KCNS3: variants seen among roughly 807,000 people sequenced by gnomAD.
KCNS3 encodes the protein potassium voltage-gated channel modifier subfamily S member 3, also known as delayed-rectifier potassium channel regulatory subunit KCNS3.
Under a neutral mutation model 31.0 loss-of-function variants are expected in KCNS3, and 13 were observed. The observed-to-expected ratio is 0.42, with a 90% CI of 0.27 to 0.67. The LOEUF is 0.67. Among genes scored for constraint, KCNS3 ranks in the 30% least tolerant of loss-of-function variants. The probability of loss-of-function intolerance (pLI) is 0.25; values close to 1 mark genes in which losing one functional copy is unlikely to be tolerated. For synonymous variants in KCNS3, 238 were observed against 241.5 expected, an observed-to-expected ratio of 0.99 and a Z score of 0.13; for missense variants, 545 against 622.4, an observed-to-expected ratio of 0.88 and a Z score of 1.32.
intron 1 of KCNS3, among the ~76,000 whole-genome samples, chr2:17,884,304 T>TATATATATATATATATATATATA (rs1174398041): frequency 7.7e-6 from 1 of 129,478 alleles, no homozygotes; most frequent in African/African-American, 2.8e-5. Flanking sequence ...TATATATATA[T>TATATATATATATATATATATATA]TTAAAAAGAA....
At chr2:17,907,557 A>G (rs370060666) in intron 1 of KCNS3, among the ~76,000 whole-genome samples, 4,082 of 152,286 alleles carry the variant, frequency 0.027, 138 homozygotes, top group African/African-American at 0.079. Flanking sequence ...CCTAGCATCG[A>G]TGATCTTTAC....
At chr2:17,925,831 T>C (rs1330570980) in intron 2 of KCNS3, among the ~76,000 whole-genome samples, 1 of 152,170 alleles carries the variant, frequency 6.6e-6, no homozygotes, top group East Asian at 1.9e-4. Flanking sequence ...TCTCATGTCC[T>C]CATGTTTTAA....
chr2:17,898,913 G>C (rs985259282), intron 1 of KCNS3, among the ~76,000 whole-genome samples: 1 of 152,090 alleles, frequency 6.6e-6, no homozygotes, highest in Non-Finnish European at 1.5e-5. Context: ...GGCACTCAGG[G>C]CTCTGGCAAT....
At chr2:17,918,094 C>T (rs1278037806) in intron 2 of KCNS3, among the ~76,000 whole-genome samples, 1 of 152,210 alleles carries the variant, frequency 6.6e-6, no homozygotes, top group Non-Finnish European at 1.5e-5. Context: ...TTAGAAAATG[C>T]TGTGGTTCAC....
chr2:17,910,030 C>T (rs1662434178), intron 1 of KCNS3, among the ~76,000 whole-genome samples: 2 of 152,280 alleles, frequency 1.3e-5, no homozygotes, highest in African/African-American at 4.8e-5. Context: ...GTCTGAGAAA[C>T]CCTATGGACC....
At chr2:17,913,853 G>A (rs182195491) in intron 1 of KCNS3, among the ~76,000 whole-genome samples, 2 of 152,142 alleles carry the variant, frequency 1.3e-5, no homozygotes, top group African/African-American at 4.8e-5. Flanking sequence ...TGTACAAGTG[G>A]CATCTAGTAG....
chr2:17,918,023 GAA>G (rs1324372527), intron 2 of KCNS3, among the ~76,000 whole-genome samples, 152 bp downstream of exon 2: 5 of 152,256 alleles, frequency 3.3e-5, no homozygotes, highest in Non-Finnish European at 7.3e-5. Context: ...ACTATGGGAA[GAA>G]AAGTGTTGGT....
chr2:17,903,543 G>T (rs2125241259), intron 1 of KCNS3, among the ~76,000 whole-genome samples: 1 of 152,122 alleles, frequency 6.6e-6, no homozygotes. Context: ...TGCCATGTTG[G>T]TGTGCTGCAC....
intron 1 of KCNS3, among the ~76,000 whole-genome samples, chr2:17,910,639 T>A (rs1662448791): frequency 6.6e-6 from 1 of 152,118 alleles, no homozygotes. Context: ...CTACTTTTTT[T>A]TTTTTTAAAT....
At chr2:17,908,712 T>A (rs755188985) in intron 1 of KCNS3, among the ~76,000 whole-genome samples, 2 of 152,218 alleles carry the variant, frequency 1.3e-5, no homozygotes, top group Non-Finnish European at 2.9e-5. Context: ...TGTTGGAGTT[T>A]GCTAGAGGTC....
At chr2:17,929,422 G>A (rs996027358) in intron 2 of KCNS3, among the ~76,000 whole-genome samples, 2 of 152,108 alleles carry the variant, frequency 1.3e-5, no homozygotes, top group South Asian at 2.1e-4. Flanking sequence ...GATGCTACAC[G>A]CTTTGAAAGA....
At chr2:17,897,967 A>C (rs1662070239) in intron 1 of KCNS3, among the ~76,000 whole-genome samples, 1 of 152,040 alleles carries the variant, frequency 6.6e-6, no homozygotes, top group Non-Finnish European at 1.5e-5. Flanking sequence ...ATCTTGAGTT[A>C]ATTTTTGTAC....
chr2:17,906,386 T>G (rs1255743344), intron 1 of KCNS3, among the ~76,000 whole-genome samples: 1 of 152,194 alleles, frequency 6.6e-6, no homozygotes, highest in Non-Finnish European at 1.5e-5. Flanking sequence ...GGTCTATCTA[T>G]TTTGTTGATC....
At chr2:17,928,284 T>A (rs1662880018) in intron 2 of KCNS3, among the ~76,000 whole-genome samples, 1 of 152,214 alleles carries the variant, frequency 6.6e-6, no homozygotes, top group African/African-American at 2.4e-5. Context: ...GTTTAAGTTT[T>A]GAGACAGAGT....
At chr2:17,929,549 A>C (rs1179606305) in intron 2 of KCNS3, among the ~76,000 whole-genome samples, 1 of 152,222 alleles carries the variant, frequency 6.6e-6, no homozygotes, top group Non-Finnish European at 1.5e-5. Flanking sequence ...AACACGCAGG[A>C]TCACAATTCA....
chr2:17,931,637 T>C lies in KCNS3; in HGVS notation c.629T>C (p.Phe210Ser). 6.2e-7 allele frequency: 1 copy of C among 1,614,134 alleles called. No homozygotes were observed. The highest frequency in any genetic ancestry group is 8.5e-7 in the Non-Finnish European group (1 of 1,180,030). ...ATGTGCGTTCACAGCATGTCGGAGT[T>C]CCAGAATGAGGATGGAGAAGTGGAT... ...VAMCVHSMSE[F>S]QNEDGEVDDP... Residue 210 changes from phenylalanine to serine, a missense_variant, in exon 3 of 3, where the codon TTC becomes TCC. Physicochemically the swap from Phe to Ser is radical, Grantham distance 155. Transcript: ENST00000304101. This position sits in a 1 kb window ranked among gnomAD's most constrained non-coding sequence, Gnocchi z 5.4.
intron 2 of KCNS3, among the ~76,000 whole-genome samples, chr2:17,925,004 T>C (rs1261071905): frequency 6.6e-6 from 1 of 152,230 alleles, no homozygotes; most frequent in Non-Finnish European, 1.5e-5. Context: ...AAATTCTGTA[T>C]CTTTACTTGT....
chr2:17,903,626 G>C (rs2125241326), intron 1 of KCNS3, among the ~76,000 whole-genome samples: 1 of 140,830 alleles, frequency 7.1e-6, no homozygotes, highest in Non-Finnish European at 1.5e-5. Flanking sequence ...CCCCACAACA[G>C]GCCCCAGTGT....
In KCNS3 at chr2:17,932,189, G is replaced by T; in HGVS notation, c.1181G>T (p.Gly394Val). ...KLIASTCIIC[G>V]ILVVALPITI... ...ATCGCCAGCACATGCATCATCTGTG[G>T]CATCTTGGTGGTGGCCCTTCCCATC... is the stretch of plus-strand genomic sequence containing the variant. Residue 394 changes from glycine (G) to valine (V), a missense_variant, in exon 3 of 3, where the codon GGC (glycine) becomes GTC (valine). Transcript: ENST00000304101. 2 of 1,613,940 alleles carry T rather than the reference G, an allele frequency of 1.2e-6. No homozygotes were observed. Among genetic ancestry groups the T allele is most frequent in the South Asian group, 1.1e-5 (1 of 91,064 alleles).
Sources: allele counts gnomAD v4.1 joint callset (sites outside exome capture counted in the v4.1 genomes callset), GRCh38; gene constraint gnomAD v4.1.1; non-coding constraint Gnocchi (gnomAD v3.1); transcripts MANE v1.5; gene names NCBI Gene and HGNC (gene_info 2026-07-23, HGNC 2026-07-21).